Variants in ASTN2 observed in about 807,000 individuals in gnomAD.
ASTN2 encodes the protein astrotactin-2.
In ASTN2, 54 loss-of-function variants were observed where a neutral mutation model predicts 139.8. That is an observed-to-expected ratio of 0.39 (90% confidence interval 0.31 to 0.48). ASTN2 has a LOEUF of 0.48. Ranked by LOEUF, ASTN2 falls within the 20% of genes least tolerant of loss-of-function variation. The pLI is 0.95. For synonymous variants in ASTN2, 756 were observed against 719.5 expected (o/e 1.05, Z -0.81); for missense variants, 1,565 against 1,725.1 (o/e 0.91, Z 1.64).
chr9:117,157,095 G>A (rs907940245), intron 3 of ASTN2, among the ~76,000 whole-genome samples: 9 of 152,014 alleles, frequency 5.9e-5, no homozygotes, highest in Non-Finnish European at 1.2e-4. Context: ...ACAATAGCAA[G>A]TCATCAGCTG....
At chr9:116,980,445 T>G (rs764762234) in intron 7 of ASTN2, among the ~76,000 whole-genome samples, 3 of 151,612 alleles carry the variant, frequency 2.0e-5, no homozygotes, top group Non-Finnish European at 2.9e-5. Context: ...GGCCACTGGG[T>G]TCTGGTATAT....
intron 5 of ASTN2, among the ~76,000 whole-genome samples, chr9:117,070,378 C>T (rs1243724994): frequency 4.5e-4 from 35 of 78,152 alleles, no homozygotes; most frequent in Non-Finnish European, 7.1e-4. Flanking sequence ...CCGAGAGATC[C>T]GCTGTTAGTC....
intron 22 of ASTN2, among the ~76,000 whole-genome samples, chr9:116,429,170 G>A (rs566847867): frequency 6.3e-4 from 96 of 151,686 alleles, no homozygotes; most frequent in Non-Finnish European, 1.3e-3. Context: ...GAAACGCTGT[G>A]TCTACTAAAA....
At chr9:116,511,873 G>A (rs543840235) in intron 19 of ASTN2, among the ~76,000 whole-genome samples, 10 of 152,012 alleles carry the variant, frequency 6.6e-5, no homozygotes, top group African/African-American at 1.4e-4. Flanking sequence ...TTTTTATTGC[G>A]TCTATTTGAT....
At chr9:117,037,192 A>G (rs2132643743) in intron 6 of ASTN2, among the ~76,000 whole-genome samples, 1 of 152,240 alleles carries the variant, frequency 6.6e-6, no homozygotes, top group East Asian at 1.9e-4. Flanking sequence ...TAGAGGCAGA[A>G]ACAGACAATT....
At chr9:117,010,506 T>C (rs1322520112) in intron 6 of ASTN2, among the ~76,000 whole-genome samples, 1 of 152,112 alleles carries the variant, frequency 6.6e-6, no homozygotes, top group Non-Finnish European at 1.5e-5. Context: ...ATCAGCAAGG[T>C]AAGAGTTCAT....
At chr9:116,463,007 C>A (rs1848539784) in intron 20 of ASTN2, among the ~76,000 whole-genome samples, 1 of 152,152 alleles carries the variant, frequency 6.6e-6, no homozygotes, top group Admixed American at 6.6e-5. Flanking sequence ...TGGTGAATGG[C>A]AGCAGCATCC....
chr9:116,570,248 T>C (rs1172677747), intron 19 of ASTN2, among the ~76,000 whole-genome samples: 3 of 152,220 alleles, frequency 2.0e-5, no homozygotes, highest in African/African-American at 7.2e-5. Flanking sequence ...CAATTAATGT[T>C]CATTCTGCCC....
intron 10 of ASTN2, among the ~76,000 whole-genome samples, chr9:116,881,362 C>A (rs2132370558): frequency 6.6e-6 from 1 of 152,364 alleles, no homozygotes; most frequent in South Asian, 2.1e-4. Flanking sequence ...GCAACTGCCT[C>A]TGACTCTGAA....
At chr9:116,765,158 A>T (rs2132174266) in intron 13 of ASTN2, among the ~76,000 whole-genome samples, 1 of 152,298 alleles carries the variant, frequency 6.6e-6, no homozygotes, top group African/African-American at 2.4e-5. Flanking sequence ...AGCAGAGGCC[A>T]AATTCTACCT....
intron 5 of ASTN2, among the ~76,000 whole-genome samples, chr9:117,059,991 C>T (rs1338021063): frequency 1.3e-5 from 2 of 151,990 alleles, no homozygotes; most frequent in Non-Finnish European, 2.9e-5. Context: ...TGTTGCATGG[C>T]AGTTGTTAAA....
chr9:117,311,175 G>T (rs557608499), intron 1 of ASTN2, among the ~76,000 whole-genome samples: 1 of 149,478 alleles, frequency 6.7e-6, no homozygotes, highest in Non-Finnish European at 1.5e-5. Context: ...CATATAAAGT[G>T]CTTAGTACTG....
intron 13 of ASTN2, among the ~76,000 whole-genome samples, chr9:116,739,574 G>T (rs111836574): frequency 2.0e-5 from 3 of 152,150 alleles, no homozygotes; most frequent in Non-Finnish European, 2.9e-5. Context: ...GAGAACTCTC[G>T]CTGGAATCAG....
chr9:116,839,806 G>C (rs1832138661), intron 11 of ASTN2, among the ~76,000 whole-genome samples: 1 of 150,526 alleles, frequency 6.6e-6, no homozygotes, highest in Non-Finnish European at 1.5e-5. Flanking sequence ...GAGTAGCCGG[G>C]ACCACAGGTG....
chr9:116,498,970 T>C (rs1849764588), intron 19 of ASTN2, among the ~76,000 whole-genome samples: 1 of 152,166 alleles, frequency 6.6e-6, no homozygotes, highest in African/African-American at 2.4e-5. Context: ...TTCCTGAGAT[T>C]AGAGCTTCCA....
chr9:116,589,878 T>TACACTTC (rs1854309590), intron 19 of ASTN2, among the ~76,000 whole-genome samples: 2 of 152,226 alleles, frequency 1.3e-5, no homozygotes, highest in Non-Finnish European at 1.5e-5. Flanking sequence ...GTAGAGTTTC[T>TACACTTC]ACACTTCACA....
At chr9:117,027,042 T>A (rs184206639) in intron 6 of ASTN2, among the ~76,000 whole-genome samples, 2 of 152,252 alleles carry the variant, frequency 1.3e-5, no homozygotes, top group African/African-American at 4.8e-5. Context: ...TAATTGCAAA[T>A]GTACTGAATG....
At chr9:117,344,761 G>A (rs747513034) in intron 1 of ASTN2, among the ~76,000 whole-genome samples, 1 of 152,116 alleles carries the variant, frequency 6.6e-6, no homozygotes, top group Non-Finnish European at 1.5e-5. Flanking sequence ...AGACCTAAGA[G>A]TAATGAAAAG....
chr9:116,432,756 C>A lies in ASTN2; in HGVS notation c.3783-6668G>T, dbSNP rs1476549660. Among the ~76,000 whole-genome samples the A allele has an allele frequency of 2.6e-5, 4 of 152,150 alleles. No homozygotes were observed. In the East Asian group the frequency reaches 5.8e-4, roughly 22 times the overall value. On this transcript the variant is annotated intron_variant, in intron 22 of 22. Transcript: ENST00000313400. ...ACCAGCCTGGCCAACACGGTGAAGC[C>A]CCGTCTCTACTAAAAATACAAAAAT...
Sources: allele counts gnomAD v4.1 joint callset (sites outside exome capture counted in the v4.1 genomes callset), GRCh38; gene constraint gnomAD v4.1.1; transcripts MANE v1.5; gene names NCBI Gene and HGNC (gene_info 2026-07-23, HGNC 2026-07-21).